BBS9: variants seen among roughly 807,000 people sequenced by gnomAD.
BBS9 encodes the protein protein PTHB1.
In BBS9, 89 loss-of-function variants were observed where a neutral mutation model predicts 117.7. That is an observed-to-expected ratio of 0.76 (90% CI 0.64 to 0.90). The LOEUF (loss-of-function observed/expected upper bound fraction) is 0.90, where lower values mean the gene tolerates loss of function less well. Ranked by LOEUF, BBS9 falls within the 40% of genes least tolerant of loss-of-function variation. The pLI is 0.00. For synonymous variants in BBS9, 379 were observed against 370.9 expected (o/e 1.02, Z -0.25); for missense variants, 982 against 1,042.2 (o/e 0.94, Z 0.80).
intron 21 of BBS9, among the ~76,000 whole-genome samples, chr7:33,556,933 C>T (rs752405984): frequency 2.6e-5 from 4 of 152,162 alleles, no homozygotes; most frequent in East Asian, 3.8e-4. Flanking sequence ...AAGGGTTCTA[C>T]GTGGGACTGG....
intron 16 of BBS9, among the ~76,000 whole-genome samples, chr7:33,364,482 A>T (rs889606655): frequency 6.6e-6 from 1 of 151,618 alleles, no homozygotes; most frequent in African/African-American, 2.4e-5. Flanking sequence ...CTGTTCCCTA[A>T]ATCTTGCAGC....
chr7:33,348,442 T>C (rs1169051197), intron 12 of BBS9, among the ~76,000 whole-genome samples: 3 of 152,210 alleles, frequency 2.0e-5, no homozygotes, highest in African/African-American at 7.2e-5. Flanking sequence ...TATTTCATTG[T>C]ATGAATATGT....
intron 19 of BBS9, among the ~76,000 whole-genome samples, chr7:33,457,833 C>CT (rs1838865785): frequency 6.6e-6 from 1 of 152,152 alleles, no homozygotes; most frequent in Non-Finnish European, 1.5e-5. Context: ...AATTTAACCA[C>CT]TTTTAGTCAA....
intron 5 of BBS9, among the ~76,000 whole-genome samples, chr7:33,219,795 T>A (rs531039904): frequency 2.0e-5 from 3 of 152,280 alleles, no homozygotes; most frequent in East Asian, 1.9e-4. Flanking sequence ...GCAGGCTGCC[T>A]GAGTCAGCAG....
At position 33,414,014 on chromosome 7, in the gene BBS9, A is replaced by C. The variant is rs116042580; in HGVS notation, c.2115+25870A>C. Among the ~76,000 whole-genome samples, 963 of 152,102 alleles carry C rather than the reference A, an allele frequency of 6.3e-3. 7 individuals are homozygous for C. The highest frequency in any genetic ancestry group is 0.017 in the Middle Eastern group (5 of 294). On this transcript the variant is annotated intron_variant, in intron 19 of 22. Transcript: ENST00000242067. Reference sequence around the variant, plus strand: ...ACTCCAGCCTGGACAATAAAAGCAAAACTCCCTCTCAAAACAAAACAAAAC... The same window carrying C: ...ACTCCAGCCTGGACAATAAAAGCAACACTCCCTCTCAAAACAAAACAAAAC...
At chr7:33,364,628 C>T (rs1821299187) in intron 16 of BBS9, among the ~76,000 whole-genome samples, 2 of 113,096 alleles carry the variant, frequency 1.8e-5, no homozygotes, top group Non-Finnish European at 3.6e-5. Flanking sequence ...CCTTCCCCCT[C>T]CTCTCCCCTC....
chr7:33,495,044 CA>C (rs1844522942), intron 19 of BBS9, among the ~76,000 whole-genome samples: 1 of 152,090 alleles, frequency 6.6e-6, no homozygotes, highest in Admixed American at 6.5e-5. Flanking sequence ...AGCAAAAATA[CA>C]TAAAAACTAC....
intron 21 of BBS9, among the ~76,000 whole-genome samples, chr7:33,593,664 A>G (rs1397075070): frequency 6.6e-6 from 1 of 152,134 alleles, no homozygotes; most frequent in African/African-American, 2.4e-5. Flanking sequence ...ATCATAACTG[A>G]TTAACAATTG....
intron 19 of BBS9, among the ~76,000 whole-genome samples, chr7:33,444,423 G>A (rs1321494162): frequency 1.3e-5 from 2 of 152,116 alleles, no homozygotes; most frequent in Non-Finnish European, 2.9e-5. Flanking sequence ...GTTAACTACT[G>A]TATTAAGCAC....
intron 5 of BBS9, among the ~76,000 whole-genome samples, chr7:33,219,156 G>A (rs1250196797): frequency 1.3e-5 from 2 of 152,222 alleles, no homozygotes; most frequent in Non-Finnish European, 2.9e-5. Flanking sequence ...TCCCCCAGCA[G>A]TGCCAGACCA....
intron 21 of BBS9, among the ~76,000 whole-genome samples, chr7:33,627,491 A>C (rs1325413190): frequency 1.3e-5 from 2 of 152,158 alleles, no homozygotes; most frequent in Non-Finnish European, 2.9e-5. Flanking sequence ...GAAGAGGTCC[A>C]CCATCCTCCA....
rs115059164 is a variant in BBS9 at position 33,338,611 on chromosome 7, G to A, written c.1198+1989G>A. ...GTACACATGGTGTATATTATCTACCGTAATAAAAGTGTTTTTGAAGCTGAT... is the reference window on the plus strand; with the variant it reads ...GTACACATGGTGTATATTATCTACCATAATAAAAGTGTTTTTGAAGCTGAT... On this transcript the variant is annotated intron_variant, in intron 10 of 22. Transcript: ENST00000242067. 9.4e-3 allele frequency among the ~76,000 whole-genome samples: 1,435 copies of A among 152,192 alleles called. 24 individuals are homozygous for A. The highest frequency in any genetic ancestry group is 0.033 in the African/African-American group (1,362 of 41,518).
chr7:33,353,892 TA>T (rs1303168701), intron 15 of BBS9, among the ~76,000 whole-genome samples: 1 of 152,022 alleles, frequency 6.6e-6, no homozygotes, highest in Non-Finnish European at 1.5e-5. Flanking sequence ...TTTGGGTCAT[TA>T]AAAAATAACC....
intron 21 of BBS9, among the ~76,000 whole-genome samples, chr7:33,611,864 A>C (rs1161549097): frequency 7.0e-6 from 1 of 143,820 alleles, no homozygotes; most frequent in African/African-American, 2.6e-5. Context: ...TATATAAAGG[A>C]ATAAATATAA....
At chr7:33,182,200 A>G (rs1798198787) in intron 5 of BBS9, among the ~76,000 whole-genome samples, 2 of 152,196 alleles carry the variant, frequency 1.3e-5, no homozygotes, top group Admixed American at 6.5e-5. Context: ...TCAAAAGCAC[A>G]TTTCATTTTC....
intron 19 of BBS9, among the ~76,000 whole-genome samples, chr7:33,403,402 T>C (rs1270849156): frequency 1.3e-5 from 2 of 151,342 alleles, no homozygotes; most frequent in African/African-American, 4.9e-5. Flanking sequence ...GCCATGCTGG[T>C]GTGCTGCACC....
chr7:33,239,400 G>A (rs907253041), intron 5 of BBS9, among the ~76,000 whole-genome samples: 1 of 151,766 alleles, frequency 6.6e-6, no homozygotes, highest in Non-Finnish European at 1.5e-5. Context: ...CCTATGAGTG[G>A]TGGGTTATCT....
At chr7:33,465,189 T>G (rs1839989381) in intron 19 of BBS9, among the ~76,000 whole-genome samples, 1 of 151,676 alleles carries the variant, frequency 6.6e-6, no homozygotes, top group Non-Finnish European at 1.5e-5. Context: ...CTGTTAATTT[T>G]GCTTTGGAGG....
chr7:33,341,430 G>A (rs1487710371), intron 11 of BBS9, among the ~76,000 whole-genome samples: 1 of 151,966 alleles, frequency 6.6e-6, no homozygotes, highest in Non-Finnish European at 1.5e-5. Context: ...TGGTGGTAGG[G>A]TAGCTTAAGA....
Sources: allele counts gnomAD v4.1 joint callset (sites outside exome capture counted in the v4.1 genomes callset), GRCh38; gene constraint gnomAD v4.1.1; transcripts MANE v1.5; gene names NCBI Gene and HGNC (gene_info 2026-07-23, HGNC 2026-07-21).